ZBTB46: variants seen among roughly 807,000 people sequenced by gnomAD.
ZBTB46 encodes the protein zinc finger and BTB domain-containing protein 46.
In ZBTB46, 8 loss-of-function variants were observed where a neutral mutation model predicts 44.1. That is an observed-to-expected ratio of 0.18 (90% confidence interval 0.11 to 0.33). The LOEUF (loss-of-function observed/expected upper bound fraction) is 0.33, where lower values mean the gene tolerates loss of function less well. ZBTB46 is among the 10% of genes least tolerant of loss of function. The pLI is 1.00. For missense variants in ZBTB46, 651 were observed against 847.7 expected (o/e 0.77, Z 2.88); for synonymous variants, 409 against 382.3 (o/e 1.07, Z -0.81).
intron 1 of ZBTB46, among the ~76,000 whole-genome samples, chr20:63,798,347 T>C (rs1183904919): frequency 6.6e-6 from 1 of 152,028 alleles, no homozygotes; most frequent in Non-Finnish European, 1.5e-5. Context: ...TTCTGTTCTA[T>C]TGGAAACCCG....
Position 63,746,795 on chromosome 20 carries a change from GGGGT to G in ZBTB46, c.*131_*134del. On this transcript the variant is annotated 3_prime_UTR_variant, in exon 5 of 5. Transcript: ENST00000245663. ...TAGCCCGCAGGGCTGGTTTCCGTGGGGGGTGGGTTCAGGGGGAAGCAGAGGAGGG... is the reference window on the plus strand; with the variant it reads ...TAGCCCGCAGGGCTGGTTTCCGTGGGGGGTTCAGGGGGAAGCAGAGGAGGG... 7.5e-7 allele frequency: 1 copy of G among 1,335,698 alleles called. No homozygotes were observed. Among genetic ancestry groups the G allele is most frequent in the Non-Finnish European group, 9.8e-7 (1 of 1,024,052 alleles). 82.7% of individuals were successfully genotyped at this position (1,335,698 alleles called of 1,614,324 possible). A position where few individuals can be genotyped will look rare whatever the true frequency, so the allele number is the denominator to read the frequency against.
intron 2 of ZBTB46, among the ~76,000 whole-genome samples, chr20:63,784,709 T>C (rs1045578926): frequency 1.3e-5 from 2 of 152,212 alleles, no homozygotes; most frequent in Non-Finnish European, 2.9e-5. Context: ...ATTTTAATGC[T>C]ATTTCCCACA....
chr20:63,765,180 G>A (rs999555555), intron 3 of ZBTB46, among the ~76,000 whole-genome samples: 1 of 151,906 alleles, frequency 6.6e-6, no homozygotes, highest in Non-Finnish European at 1.5e-5. Context: ...GCAGAAGCTG[G>A]GGTCCTCCTC....
At chr20:63,823,980 A>G (rs947691670) in intron 1 of ZBTB46, among the ~76,000 whole-genome samples, 1 of 152,094 alleles carries the variant, frequency 6.6e-6, no homozygotes. Context: ...ACCAGATTAC[A>G]CTTGAGAAGT....
intron 2 of ZBTB46, among the ~76,000 whole-genome samples, chr20:63,778,237 G>C (rs1241360607): frequency 2.0e-5 from 3 of 152,150 alleles, no homozygotes; most frequent in Admixed American, 2.0e-4. Context: ...ACAACAAAAG[G>C]TGACGACTTG....
chr20:63,754,369 A>C (rs923007611), intron 3 of ZBTB46, among the ~76,000 whole-genome samples: 4 of 152,292 alleles, frequency 2.6e-5, no homozygotes, highest in Admixed American at 1.3e-4. Flanking sequence ...TCGCATTATC[A>C]CACCCAACAG....
At chr20:63,814,030 C>T (rs540185470) in intron 1 of ZBTB46, among the ~76,000 whole-genome samples, 1 of 152,156 alleles carries the variant, frequency 6.6e-6, no homozygotes, top group East Asian at 1.9e-4. Flanking sequence ...GTCAGGAGAT[C>T]AAAACCATCC....
chr20:63,807,665 A>G (rs1309840600), intron 1 of ZBTB46, among the ~76,000 whole-genome samples: 1 of 152,168 alleles, frequency 6.6e-6, no homozygotes, highest in Non-Finnish European at 1.5e-5. Context: ...CCATTTTTTA[A>G]CATTTTGCCG....
At chr20:63,754,386 C>T (rs192826565) in intron 3 of ZBTB46, among the ~76,000 whole-genome samples, 7 of 152,286 alleles carry the variant, frequency 4.6e-5, no homozygotes, top group Middle Eastern at 3.4e-3. Flanking sequence ...ACAGAGCAAA[C>T]GCTCCACACA....
In ZBTB46 at chr20:63,803,138, C is replaced by T. The variant is rs533694991; in HGVS notation, c.-33-12348G>A. ...GGGCACCTCACCAGCAGGAACCAGG[C>T]GTGGGCACCATCCCCCAGGATGCCA... is the stretch of plus-strand genomic sequence containing the variant. On this transcript the variant is annotated intron_variant, in intron 1 of 4. Transcript: ENST00000245663. The surrounding 1 kb of genome is among the most constrained non-coding windows in gnomAD (Gnocchi z 4.0). Among the ~76,000 whole-genome samples the T allele has an allele frequency of 3.3e-5, 5 of 152,220 alleles. No individual in the cohort carries two copies. Among genetic ancestry groups the T allele is most frequent in the Admixed American group, 1.3e-4 (2 of 15,286 alleles).
intron 1 of ZBTB46, among the ~76,000 whole-genome samples, chr20:63,802,521 G>A (rs2092654099): frequency 6.6e-6 from 1 of 152,104 alleles, no homozygotes; most frequent in African/African-American, 2.4e-5. Flanking sequence ...AGCGGCAGCG[G>A]CGGAGGCCCC....
chr20:63,757,007 G>A (rs542722607), intron 3 of ZBTB46, among the ~76,000 whole-genome samples: 1 of 152,258 alleles, frequency 6.6e-6, no homozygotes, highest in African/African-American at 2.4e-5. Context: ...GGGAAGGGGG[G>A]CTTCTGGACC....
chr20:63,796,742 T>C (rs2092606868), intron 1 of ZBTB46, among the ~76,000 whole-genome samples: 1 of 152,068 alleles, frequency 6.6e-6, no homozygotes, highest in Non-Finnish European at 1.5e-5. Context: ...GGAGAATCAC[T>C]TGAACCTGCG....
intron 1 of ZBTB46, among the ~76,000 whole-genome samples, chr20:63,800,627 G>T (rs1021471044): frequency 6.6e-6 from 1 of 152,242 alleles, no homozygotes; most frequent in African/African-American, 2.4e-5. Flanking sequence ...GTTCCGGGTG[G>T]GTGTGGGCTT....
rs2092848769 is a variant in ZBTB46 at position 63,831,108 on chromosome 20, T to G, written c.-45A>C. 2.3e-5 allele frequency: 3 copies of G among 132,374 alleles called. No individual in the cohort carries two copies. Among genetic ancestry groups the G allele is most frequent in the South Asian group, 2.7e-4 (1 of 3,712 alleles). The allele number at this position is 132,374 out of a possible 1,614,324, so 8.2% of individuals were successfully genotyped here. ...CCGGCGCCGCTTACCTGTGACCCCA[T>G]GGGGCGCGGGCGAGGGCGGGCGCCG... On this transcript the variant is annotated 5_prime_UTR_variant, in exon 1 of 5. An upstream start codon of the reference 5' UTR is lost. Coordinates refer to ENST00000245663, the MANE Select transcript of ZBTB46 (RefSeq NM_001369741.1).
At chr20:63,799,072 C>T (rs970543860) in intron 1 of ZBTB46, among the ~76,000 whole-genome samples, 1 of 151,892 alleles carries the variant, frequency 6.6e-6, no homozygotes, top group Non-Finnish European at 1.5e-5. Context: ...ACTCAGTCAC[C>T]CAGGCTGGAG....
At chr20:63,762,864 CT>C (rs1057199187) in intron 3 of ZBTB46, among the ~76,000 whole-genome samples, 1 of 152,068 alleles carries the variant, frequency 6.6e-6, no homozygotes, top group African/African-American at 2.4e-5. Flanking sequence ...TTTTTCTTTT[CT>C]TTTTTTCTTT....
intron 1 of ZBTB46, among the ~76,000 whole-genome samples, chr20:63,814,560 G>C (rs899968648): frequency 3.9e-5 from 6 of 152,120 alleles, no homozygotes; most frequent in African/African-American, 1.4e-4. Flanking sequence ...TCTGCAGGGG[G>C]AGAGAACCCC....
chr20:63,808,990 AAAAAAAAAAGAAAAAGAAAAAAAAAAAAG>A lies in ZBTB46; in HGVS notation c.-33-18229_-33-18201del, dbSNP rs1477654399. Reference sequence around the variant, plus strand: ...AGACTCCGCTTCAAAAAAAAAAAAAAAAAAAAAAAGAAAAAGAAAAAAAAAAAAGAAAGAAAACTCCATGATTCATGAGG... The same window carrying A: ...AGACTCCGCTTCAAAAAAAAAAAAAAAAAGAAAACTCCATGATTCATGAGG... On this transcript the variant is annotated intron_variant, in intron 1 of 4. Transcript: ENST00000245663. Among the ~76,000 whole-genome samples, 6 of 147,392 alleles carry A rather than the reference AAAAAAAAAAGAAAAAGAAAAAAAAAAAAG, an allele frequency of 4.1e-5. No homozygotes were observed. The Middle Eastern group carries it at 0.01, about 254-fold the overall frequency.
Sources: allele counts gnomAD v4.1 joint callset (sites outside exome capture counted in the v4.1 genomes callset), GRCh38; gene constraint gnomAD v4.1.1; non-coding constraint Gnocchi (gnomAD v3.1); transcripts MANE v1.5; gene names NCBI Gene and HGNC (gene_info 2026-07-23, HGNC 2026-07-21).